ANXA8: variants seen among roughly 807,000 people sequenced by gnomAD.
ANXA8 encodes the protein VAC-beta.
ANXA8 carries 9 observed loss-of-function variants against 26.8 expected under a neutral mutation model. The ratio of observed to expected loss-of-function variants is 0.34; its 90% CI spans 0.20 to 0.59. ANXA8 has a LOEUF of 0.59. Ranked by LOEUF, ANXA8 falls within the 20% of genes least tolerant of loss-of-function variation. ANXA8 has a pLI of 0.84. For missense variants in ANXA8, 83 were observed against 238.5 expected (o/e 0.35, Z 4.29); for synonymous variants, 39 against 94.8 (o/e 0.41, Z 3.42).
the ANXA8 span, among the ~76,000 whole-genome samples, chr10:47,733,227 C>T: frequency 1.7e-4 from 13 of 75,578 alleles, no homozygotes; most frequent in East Asian, 3.5e-4. Flanking sequence ...CTTTCTCTTT[C>T]TTTCTCTCTT....
At chr10:47,699,500 C>A in the ANXA8 span, among the ~76,000 whole-genome samples, 8 of 151,336 alleles carry the variant, frequency 5.3e-5, no homozygotes, top group Non-Finnish European at 5.9e-5. Context: ...TAAGATAATT[C>A]AATGATATAA....
the ANXA8 span, among the ~76,000 whole-genome samples, chr10:47,606,341 A>C: frequency 6.7e-6 from 1 of 149,406 alleles, no homozygotes; most frequent in Non-Finnish European, 1.5e-5. Context: ...CTCAGTTATA[A>C]CTGCTTGCAG....
the ANXA8 span, among the ~76,000 whole-genome samples, chr10:47,978,219 G>T: frequency 6.6e-6 from 1 of 151,824 alleles, no homozygotes; most frequent in Non-Finnish European, 1.5e-5. Flanking sequence ...TCTAGCAAAG[G>T]TATCTTTGAA....
chr10:47,894,363 A>ACACACAGC, the ANXA8 span, among the ~76,000 whole-genome samples: 1 of 133,558 alleles, frequency 7.5e-6, no homozygotes, highest in African/African-American at 3.0e-5. Context: ...ACACACACAG[A>ACACACAGC]ACACACATCA....
chr10:47,778,539 G>C, the ANXA8 span, among the ~76,000 whole-genome samples: 1 of 151,880 alleles, frequency 6.6e-6, no homozygotes, highest in African/African-American at 2.4e-5. Flanking sequence ...CTTGTCTCCT[G>C]CTAATCCTGC....
the ANXA8 span, among the ~76,000 whole-genome samples, chr10:47,707,403 T>C: frequency 7.0e-6 from 1 of 143,474 alleles, no homozygotes; most frequent in African/African-American, 2.4e-5. Flanking sequence ...ATTTATTTTT[T>C]AGAGACAGGA....
At chr10:47,577,183 C>T in the ANXA8 span, among the ~76,000 whole-genome samples, 14 of 149,140 alleles carry the variant, frequency 9.4e-5, no homozygotes, top group South Asian at 3.0e-3. Context: ...TGAGATGGCG[C>T]CATTGCACTC....
the ANXA8 span, among the ~76,000 whole-genome samples, chr10:47,904,458 A>C: frequency 1.6e-5 from 1 of 62,270 alleles, no homozygotes; most frequent in East Asian, 2.7e-4. Flanking sequence ...TATTTTATTT[A>C]AGCCTTATTT....
chr10:47,484,126 G>A, upstream of ANXA8: 1 of 1,422,522 alleles, frequency 7.0e-7, no homozygotes, highest in African/African-American at 1.4e-5. Context: ...GCCTGGCTTT[G>A]GGCATCTCCT....
chr10:47,502,131 T>C, the ANXA8 span: 32 of 1,572,958 alleles, frequency 2.0e-5, 3 homozygotes, highest in African/African-American at 1.4e-5. Context: ...CACTCCTGGC[T>C]GGAGGCCTGC....
At chr10:47,900,106 AT>A in the ANXA8 span, among the ~76,000 whole-genome samples, 1 of 148,056 alleles carries the variant, frequency 6.8e-6, no homozygotes, top group African/African-American at 2.5e-5. Context: ...TTTCTATTAT[AT>A]ATAGCATTTT....
At chr10:47,589,875 C>A in the ANXA8 span, among the ~76,000 whole-genome samples, 1 of 140,802 alleles carries the variant, frequency 7.1e-6, no homozygotes, top group African/African-American at 3.1e-5. Context: ...TGAGGATTTC[C>A]TTAAAGGGAA....
the ANXA8 span, among the ~76,000 whole-genome samples, chr10:47,669,874 C>T: frequency 5.9e-5 from 9 of 151,734 alleles, no homozygotes; most frequent in African/African-American, 1.5e-4. Context: ...GTAAAATATA[C>T]ATAAAATTTA....
At chr10:47,717,852 G>A in the ANXA8 span, among the ~76,000 whole-genome samples, 1 of 152,022 alleles carries the variant, frequency 6.6e-6, no homozygotes, top group Non-Finnish European at 1.5e-5. Context: ...ACAAAAATTA[G>A]CCAGGCATGA....
the ANXA8 span, chr10:47,691,121 A>G: frequency 5.0e-6 from 8 of 1,609,856 alleles, 1 homozygote; most frequent in East Asian, 8.9e-5. Flanking sequence ...GCCTTTAGCA[A>G]CAGTTACAGT....
chr10:47,632,292 A>G, the ANXA8 span, among the ~76,000 whole-genome samples: 19 of 150,476 alleles, frequency 1.3e-4, 1 homozygote, highest in Admixed American at 3.9e-4. Context: ...GCTTCAGATA[A>G]TTATTTTGAG....
the ANXA8 span, among the ~76,000 whole-genome samples, chr10:47,515,719 G>T: frequency 2.8e-5 from 4 of 140,770 alleles, 2 homozygotes; most frequent in East Asian, 1.2e-3. Flanking sequence ...TCCTTTCCAG[G>T]CCTGCTTTTA....
At chr10:47,961,286 G>A in the ANXA8 span, among the ~76,000 whole-genome samples, 2 of 149,558 alleles carry the variant, frequency 1.3e-5, no homozygotes, top group East Asian at 2.0e-4. Flanking sequence ...AGGATGGGGA[G>A]GATATCACCC....
chr10:47,506,589 C>T, the ANXA8 span, among the ~76,000 whole-genome samples: 7 of 142,792 alleles, frequency 4.9e-5, 2 homozygotes, highest in South Asian at 1.6e-3. Flanking sequence ...CTTGGCCTCC[C>T]AAAATGCTGG....
Sources: gnomAD v4.1 joint callset for allele counts (sites outside exome capture counted in the v4.1 genomes callset) on GRCh38, gnomAD v4.1.1 for gene constraint, MANE v1.5 for transcripts, NCBI Gene and HGNC (gene_info 2026-07-23, HGNC 2026-07-21) for gene names.